USP24: variants seen among roughly 807,000 people sequenced by gnomAD.
USP24 encodes ubiquitin specific peptidase 24.
Under a neutral mutation model 361.6 loss-of-function variants are expected in USP24, and 97 were observed. The ratio of observed to expected loss-of-function variants is 0.27; its 90% CI spans 0.23 to 0.32. USP24 has a LOEUF of 0.32. USP24 is among the 10% of genes least tolerant of loss of function. The pLI, the probability that USP24 is intolerant of heterozygous loss-of-function variation, is 1.00. For missense variants in USP24, 2,353 were observed against 3,165.6 expected (o/e 0.74, Z 6.16); for synonymous variants, 1,098 against 1,124.6 (o/e 0.98, Z 0.47).
rs114682339 is a variant in USP24 at position 55,092,348 on chromosome 1, T to A, written c.6451-222A>T. 2.9e-3 allele frequency among the ~76,000 whole-genome samples: 448 copies of A among 152,358 alleles called. 4 individuals are homozygous for A. The highest frequency in any genetic ancestry group is 5.0e-3 in the Non-Finnish European group (343 of 68,040). ...AAAGACATTGTCTTCATTTCTTTTA[T>A]GAAATCCTCTCAAAACAGTTGTTAG... is the stretch of plus-strand genomic sequence containing the variant. On this transcript the variant is annotated intron_variant, in intron 53 of 67. Coordinates refer to ENST00000294383, the MANE Select transcript of USP24 (RefSeq NM_015306.3).
rs201735994 is a variant in USP24, at chr1:55,107,439, GA to G, written c.4571-10del. Reference sequence around the variant, plus strand: ...CTGCTCCATTTCTGAAGCTAAGAAGGAAAAAAAAAATCCATTACAAAGAAAG... The same window carrying G: ...CTGCTCCATTTCTGAAGCTAAGAAGGAAAAAAAAATCCATTACAAAGAAAG... On this transcript the variant is annotated splice_polypyrimidine_tract_variant and intron_variant, in intron 39 of 67. Transcript: ENST00000294383. 1.1e-3 allele frequency: 1,600 copies of G among 1,474,386 alleles called. 1 individual carries two copies. The highest frequency in any genetic ancestry group is 3.9e-3 in the Admixed American group (166 of 42,040). 91.3% of individuals were successfully genotyped at this position (1,474,386 alleles called of 1,614,324 possible). A position where few individuals can be genotyped will look rare whatever the true frequency, so the allele number is the denominator to read the frequency against.
chr1:55,133,957 A>G, intron 30 of USP24, 113 bp downstream of exon 30: 1 of 1,040,246 alleles, frequency 9.6e-7, no homozygotes, highest in Non-Finnish European at 1.4e-6. Context: ...TCAAAAGAAG[A>G]AAAAACATTA....
intron 1 of USP24, among the ~76,000 whole-genome samples, chr1:55,200,862 T>C (rs1644552307): frequency 6.6e-6 from 1 of 152,232 alleles, no homozygotes. Context: ...AAAGGGTTTG[T>C]TTCTTTTAGC....
At chr1:55,095,087 C>T (rs914426494) in intron 51 of USP24, among the ~76,000 whole-genome samples, 168 bp downstream of exon 51, 1 of 152,156 alleles carries the variant, frequency 6.6e-6, no homozygotes, top group African/African-American at 2.4e-5. Context: ...AACTTCTTGC[C>T]AAGAAAATAA....
rs927078727 is a variant in USP24 at position 55,134,203 on chromosome 1, A to G, written c.3288-40T>C. ...ATACAAATTTTTTCATATAAGCCAT[A>G]GTTTAATTCAACAAAGTCCATTAGT... On this transcript the variant is annotated intron_variant, in intron 29 of 67. Transcript: ENST00000294383. 3.8e-6 allele frequency: 6 copies of G among 1,596,974 alleles called. No homozygotes were observed. In the African/African-American group the frequency reaches 6.7e-5, roughly 18 times the overall value.
At chr1:55,143,242 G>A (rs1646938667) in intron 21 of USP24, 123 bp from the exon 22 acceptor site, 3 of 677,350 alleles carry the variant, frequency 4.4e-6, no homozygotes, top group Non-Finnish European at 6.8e-6. Context: ...AATTAAGGCT[G>A]CAAAACCTCA....
rs868232803 is a variant in USP24, at chr1:55,176,403, G to T, written c.531C>A (p.Asp177Glu). Reference sequence around the variant, plus strand: ...TTTTAAATGCTTCAGGCATACACCTGTCCATAAACCTTCTACAATTCTCAT... The same window carrying T: ...TTTTAAATGCTTCAGGCATACACCTTTCCATAAACCTTCTACAATTCTCAT... ...ESDENCRRFMDRCMPEAFKKL... is the reference protein window; with the variant it reads ...ESDENCRRFMERCMPEAFKKL... The change falls in exon 3 of 68, where the codon GAC becomes GAA. Residue 177 changes from aspartate (D) to glutamate (E), a missense_variant. Physicochemically the swap from Asp to Glu is conservative, Grantham distance 45 (BLOSUM62 2). Transcript: ENST00000294383. 6.4e-7 allele frequency: 1 copy of T among 1,572,764 alleles called. No individual in the cohort carries two copies. The highest frequency in any genetic ancestry group is 2.3e-5 in the East Asian group (1 of 43,294).
chr1:55,087,323 C>T (rs912904663), intron 55 of USP24, among the ~76,000 whole-genome samples: 1 of 152,156 alleles, frequency 6.6e-6, no homozygotes, highest in Non-Finnish European at 1.5e-5. Flanking sequence ...CACTGGGATT[C>T]TTGAGCATTA....
chr1:55,189,514 C>G (rs1204940149), intron 1 of USP24, among the ~76,000 whole-genome samples: 1 of 152,130 alleles, frequency 6.6e-6, no homozygotes, highest in African/African-American at 2.4e-5. Context: ...ATGAAATGTT[C>G]ACAATAGGCA....
chr1:55,122,640 G>A (rs764649869), intron 36 of USP24, among the ~76,000 whole-genome samples: 11 of 152,128 alleles, frequency 7.2e-5, no homozygotes, highest in Non-Finnish European at 1.3e-4. Context: ...AGTGAAAGGG[G>A]TGTTAAGGGG....
chr1:55,069,068 C>A lies in USP24; in HGVS notation c.7840G>T (p.Asp2614Tyr). The change falls in exon 68 of 68, where the codon GAC becomes TAC. Residue 2614 changes from aspartate to tyrosine, a missense_variant. Around this residue, in one of 8 missense-constraint regions of USP24, gnomAD observed 53 missense variants for 57.7 expected, o/e 0.92. Coordinates refer to ENST00000294383, the MANE Select transcript of USP24 (RefSeq NM_015306.3). ...CTCTAGGGATCAACATCATCAAGGT[C>A]ACTTCTCAACTCACCAATCATCATG... ...SPMMIGELRS[D>Y]LDDVDP 1 of 1,613,976 alleles carries A rather than the reference C, an allele frequency of 6.2e-7. No homozygotes were observed.
intron 61 of USP24, among the ~76,000 whole-genome samples, chr1:55,078,075 T>A (rs1275727257): frequency 6.6e-6 from 1 of 152,220 alleles, no homozygotes; most frequent in Non-Finnish European, 1.5e-5. Flanking sequence ...TTGTTAACAC[T>A]ACATGTATCA....
intron 59 of USP24, among the ~76,000 whole-genome samples, chr1:55,080,846 A>C (rs1645134851): frequency 6.6e-6 from 1 of 152,242 alleles, no homozygotes; most frequent in East Asian, 1.9e-4. Flanking sequence ...AATATATTTC[A>C]ATGATGTAAT....
chr1:55,129,349 C>T, intron 32 of USP24, 128 bp downstream of exon 32: 1 of 614,104 alleles, frequency 1.6e-6, no homozygotes, highest in Non-Finnish European at 2.7e-6. Flanking sequence ...ATCATTCCTT[C>T]TTATAATAAC....
At chr1:55,069,416 G>A (rs911523342) in intron 67 of USP24, among the ~76,000 whole-genome samples, 1 of 152,250 alleles carries the variant, frequency 6.6e-6, no homozygotes, top group Admixed American at 6.5e-5. Context: ...GATGGCCATT[G>A]TGCCCGCTTC....
rs115460230 is a variant in USP24 at position 55,101,026 on chromosome 1, C to T, written c.5146-62G>A. On this transcript the variant is annotated intron_variant, in intron 43 of 67. Coordinates refer to ENST00000294383, the MANE Select transcript of USP24 (RefSeq NM_015306.3). ...TAAAATGCTTCACAGGAAACTCTGA[C>T]ATATGTACATGTTAGTACCCACATT... 10,492 of 1,573,692 alleles carry T rather than the reference C, an allele frequency of 6.7e-3. 43 individuals carry two copies. The highest frequency in any genetic ancestry group is 8.3e-3 in the Non-Finnish European group (9,648 of 1,161,160).
chr1:55,143,077 T>C lies in USP24; in HGVS notation c.2482A>G (p.Lys828Glu), dbSNP rs1646933634. The part of the protein sequence containing the change: ...LELIGMDFIW[K>E]IAMESPDEEI... ...TCATCAGGTGATTCCATGGCTATTT[T>C]CCAAATGAAATCCATTCCTATCAAT... Residue 828 changes from lysine (K) to glutamate (E), a missense_variant, in exon 22 of 68, where the codon AAA becomes GAA. Lys to Glu is a moderately conservative substitution (Grantham distance 56). Around this residue, in one of 8 missense-constraint regions of USP24, gnomAD observed 949 missense variants for 1,280.5 expected, o/e 0.74. Coordinates refer to ENST00000294383, the MANE Select transcript of USP24 (RefSeq NM_015306.3). 1 of 1,531,840 alleles carries C rather than the reference T, an allele frequency of 6.5e-7. No homozygotes were observed. Among genetic ancestry groups the C allele is most frequent in the Non-Finnish European group, 8.8e-7 (1 of 1,141,868 alleles). The allele number at this position is 1,531,840 out of a possible 1,614,324, so 94.9% of individuals were successfully genotyped here.
Position 55,092,273 on chromosome 1 carries a change from C to T in USP24, c.6451-147G>A, listed in dbSNP as rs543342217. ...TTAAATACTAATAAGAAGAATCTTG[C>T]CAGTTCATTATAAAAAAATGTTCCA... On this transcript the variant is annotated intron_variant, in intron 53 of 67. Transcript: ENST00000294383. The T allele has an allele frequency of 6.9e-4, 333 of 483,052 alleles. 1 individual carries two copies. The highest frequency in any genetic ancestry group is 6.1e-3 in the African/African-American group (305 of 49,612). The allele number at this position is 483,052 out of a possible 1,614,324, so 29.9% of individuals were successfully genotyped here.
chr1:55,131,122 A>G (rs887897346), intron 31 of USP24, among the ~76,000 whole-genome samples: 2 of 152,206 alleles, frequency 1.3e-5, no homozygotes, highest in Non-Finnish European at 2.9e-5. Flanking sequence ...TAATCATTCA[A>G]AAACAAATGA....
Sources: gnomAD v4.1 joint callset for allele counts (sites outside exome capture counted in the v4.1 genomes callset) on GRCh38, gnomAD v4.1.1 for gene constraint, gnomAD v4.1.1 regional missense constraint, MANE v1.5 for transcripts, NCBI Gene and HGNC (gene_info 2026-07-23, HGNC 2026-07-21) for gene names.